Variants in PRKAG2 observed in about 807,000 individuals in gnomAD.
PRKAG2 encodes protein kinase AMP-activated non-catalytic subunit gamma 2, also known as 5'-AMP-activated protein kinase subunit gamma-2.
In PRKAG2, 26 loss-of-function variants were observed where a neutral mutation model predicts 69.6. That is an observed-to-expected ratio of 0.37 (90% CI 0.27 to 0.52). The LOEUF (loss-of-function observed/expected upper bound fraction) is 0.52, where lower values mean the gene tolerates loss of function less well. PRKAG2 is among the 20% of genes least tolerant of loss of function. The probability of loss-of-function intolerance (pLI) is 0.90; values close to 1 mark genes in which losing one functional copy is unlikely to be tolerated. For synonymous variants in PRKAG2, 293 were observed against 285.0 expected (o/e 1.03, Z -0.28); for missense variants, 557 against 740.0 (o/e 0.75, Z 2.87).
Position 151,675,450 on chromosome 7 carries a change from T to C in PRKAG2, c.654A>G (p.Ala218=). 6.2e-7 allele frequency: 1 copy of C among 1,614,136 alleles called. No homozygotes were observed. The highest frequency in any genetic ancestry group is 8.5e-7 in the Non-Finnish European group (1 of 1,180,030). The change falls in exon 4 of 16, where the codon GCA becomes GCG. Residue 218 remains alanine, a synonymous_variant. Transcript: ENST00000287878. ...TGGAGGGAGCATAGTGTGTCGGTGA[T>C]GCCAGTGGAGGCCTGGTCGGGCTCT... ...SFQSPTRPPL[A]SPTHYAPSKA...
intron 6 of PRKAG2, among the ~76,000 whole-genome samples, chr7:151,585,875 C>T (rs932806755): frequency 7.9e-5 from 12 of 152,286 alleles, no homozygotes; most frequent in East Asian, 5.8e-4. Flanking sequence ...AGGAAGGAGA[C>T]GGGTGGGCGG....
intron 6 of PRKAG2, among the ~76,000 whole-genome samples, chr7:151,584,420 G>A (rs1811167801): frequency 6.6e-6 from 1 of 151,978 alleles, no homozygotes; most frequent in Admixed American, 6.6e-5. Context: ...ACAGGGCCTT[G>A]AACGCTGAAG....
intron 1 of PRKAG2, among the ~76,000 whole-genome samples, chr7:151,855,564 CCACACACCACCCTACA>C (rs2079748467): frequency 1.4e-5 from 2 of 141,938 alleles, no homozygotes; most frequent in Admixed American, 7.0e-5. Context: ...ACGCCACCCT[CCACACACCACCCTACA>C]CACACACCAC....
chr7:151,580,507 T>C (rs1167440830), intron 6 of PRKAG2, among the ~76,000 whole-genome samples: 2 of 152,208 alleles, frequency 1.3e-5, no homozygotes, highest in Admixed American at 6.5e-5. Flanking sequence ...CCTGTGGGAT[T>C]CATAACTTAT....
chr7:151,808,140 A>C (rs1469953492), intron 1 of PRKAG2, among the ~76,000 whole-genome samples: 2 of 152,142 alleles, frequency 1.3e-5, no homozygotes, highest in Admixed American at 1.3e-4. Context: ...GACTTTGTCA[A>C]AGTGGTGGCA....
intron 3 of PRKAG2, among the ~76,000 whole-genome samples, chr7:151,694,934 C>G (rs554808669): frequency 4.1e-4 from 62 of 152,380 alleles, no homozygotes; most frequent in African/African-American, 1.4e-3. Flanking sequence ...GGGTCAGAAT[C>G]TGTCAGCCTG....
rs189380614 is a variant in PRKAG2 at position 151,861,109 on chromosome 7, T to A, written c.114+15398A>T. Reference sequence around the variant, plus strand: ...TCAGCCCTGGGGGCTCAAGCTGGCTTCACTCTGGGGTCAGGACCTTGGCCT... The same window carrying A: ...TCAGCCCTGGGGGCTCAAGCTGGCTACACTCTGGGGTCAGGACCTTGGCCT... On this transcript the variant is annotated intron_variant, in intron 1 of 15. Coordinates refer to ENST00000287878, the MANE Select transcript of PRKAG2 (RefSeq NM_016203.4). Among the ~76,000 whole-genome samples, 464 of 152,330 alleles carry A rather than the reference T, an allele frequency of 3.0e-3. 1 individual carries two copies. Among genetic ancestry groups the A allele is most frequent in the Non-Finnish European group, 3.0e-3 (201 of 68,038 alleles).
intron 5 of PRKAG2, among the ~76,000 whole-genome samples, chr7:151,627,743 G>C (rs1823342396): frequency 6.6e-6 from 1 of 152,146 alleles, no homozygotes; most frequent in African/African-American, 2.4e-5. Flanking sequence ...GAAGTACAGT[G>C]GTGCAACCAC....
intron 1 of PRKAG2, among the ~76,000 whole-genome samples, chr7:151,840,783 G>A (rs2079258146): frequency 6.6e-6 from 1 of 152,250 alleles, no homozygotes. Context: ...ACCGGAGCGA[G>A]GAGCTGCCCA....
chr7:151,751,122 G>T (rs571060957), intron 3 of PRKAG2, among the ~76,000 whole-genome samples: 1 of 145,478 alleles, frequency 6.9e-6, no homozygotes, highest in East Asian at 2.0e-4. Flanking sequence ...TTTTGAGACG[G>T]AGTCTCACTC....
intron 5 of PRKAG2, among the ~76,000 whole-genome samples, chr7:151,599,650 C>T (rs1433978515): frequency 4.6e-5 from 7 of 152,132 alleles, no homozygotes; most frequent in Non-Finnish European, 7.4e-5. Context: ...CTAGATCCCT[C>T]GTGGGCACAG....
At chr7:151,646,210 G>A (rs142094966) in intron 4 of PRKAG2, among the ~76,000 whole-genome samples, 1 of 152,212 alleles carries the variant, frequency 6.6e-6, no homozygotes, top group Admixed American at 6.5e-5. Context: ...ATACATTCCA[G>A]AATTAAAAAT....
chr7:151,670,901 GT>G (rs55725044), intron 4 of PRKAG2, among the ~76,000 whole-genome samples: 102,025 of 151,666 alleles, frequency 0.67, 34,377 homozygotes, highest in Admixed American at 0.69. Context: ...GCCGCGCGTG[GT>G]TGGCTCACGC....
intron 4 of PRKAG2, among the ~76,000 whole-genome samples, chr7:151,639,799 G>A (rs775608142): frequency 1.2e-4 from 19 of 152,174 alleles, no homozygotes; most frequent in Non-Finnish European, 2.5e-4. Flanking sequence ...AGGGACTCCA[G>A]CTTGGAGATG....
chr7:151,834,557 T>C (rs2079105005), intron 1 of PRKAG2, among the ~76,000 whole-genome samples: 1 of 152,196 alleles, frequency 6.6e-6, no homozygotes, highest in African/African-American at 2.4e-5. Flanking sequence ...CACCCTCAGG[T>C]GAGAGTCTTC....
chr7:151,763,548 C>A (rs1586361551), intron 3 of PRKAG2, among the ~76,000 whole-genome samples: 1 of 152,256 alleles, frequency 6.6e-6, no homozygotes, highest in Non-Finnish European at 1.5e-5. Flanking sequence ...GCTCCTCAGC[C>A]ACTGCCCCAC....
intron 5 of PRKAG2, among the ~76,000 whole-genome samples, chr7:151,604,047 A>C (rs1816886212): frequency 6.6e-6 from 1 of 152,102 alleles, no homozygotes; most frequent in African/African-American, 2.4e-5. Flanking sequence ...TGGCTTGTGG[A>C]GCCCTCTCCT....
chr7:151,808,592 T>TG lies in PRKAG2; in HGVS notation c.115-22052dup, dbSNP rs1046822975. On this transcript the variant is annotated intron_variant, in intron 1 of 15. Transcript: ENST00000287878. ...AACAAGAGAGTCTAGTGCAGGTTGT[T>TG]GGGGGGGCTTGAGGCTATCCGCTGA... 3.1e-3 allele frequency among the ~76,000 whole-genome samples: 332 copies of TG among 105,774 alleles called. 1 individual carries two copies. Among genetic ancestry groups the TG allele is most frequent in the Non-Finnish European group, 4.6e-3 (222 of 48,728 alleles). 69.4% of individuals were successfully genotyped at this position (105,774 alleles called of 152,430 possible).
At chr7:151,823,416 T>G (rs1183841458) in intron 1 of PRKAG2, among the ~76,000 whole-genome samples, 1 of 150,668 alleles carries the variant, frequency 6.6e-6, no homozygotes, top group Non-Finnish European at 1.5e-5. Flanking sequence ...CCTCAGAATG[T>G]GACCTTATTT....
Sources: allele counts gnomAD v4.1 joint callset (sites outside exome capture counted in the v4.1 genomes callset), GRCh38; gene constraint gnomAD v4.1.1; transcripts MANE v1.5; gene names NCBI Gene and HGNC (gene_info 2026-07-23, HGNC 2026-07-21).